The following TMEM109 variants were observed in gnomAD, a reference collection of about 807,000 sequenced individuals.
TMEM109 encodes the protein voltage-gated monoatomic cation channel TMEM109.
Under a neutral mutation model 26.4 loss-of-function variants are expected in TMEM109, and 19 were observed. The ratio of observed to expected loss-of-function variants is 0.72; its 90% confidence interval spans 0.50 to 1.06. The LOEUF (loss-of-function observed/expected upper bound fraction) is 1.06, where lower values mean the gene tolerates loss of function less well. Among genes scored for constraint, TMEM109 ranks in the 50% least tolerant of loss-of-function variants. TMEM109 has a pLI of 0.00. For missense variants in TMEM109, 262 were observed against 303.4 expected, an observed-to-expected ratio of 0.86 and a Z score of 1.01; for synonymous variants, 129 against 142.0, an observed-to-expected ratio of 0.91 and a Z score of 0.65.
chr11:60,922,217 G>C lies in TMEM109; in HGVS notation c.*52G>C, dbSNP rs757187457. The C allele has an allele frequency of 6.4e-6, 10 of 1,551,390 alleles. No homozygotes were observed. The highest frequency in any genetic ancestry group is 8.7e-6 in the Non-Finnish European group (10 of 1,147,634). On this transcript the variant is annotated 3_prime_UTR_variant, in exon 4 of 4. Transcript: ENST00000227525. ...TCATACCAAAGAGCTGAGCTGCTTC[G>C]GGGCCATGCAGCCCTCCTGCCAGCC...
At chr11:60,914,731 C>G (rs1382579319) in intron 1 of TMEM109, among the ~76,000 whole-genome samples, 4 of 152,276 alleles carry the variant, frequency 2.6e-5, no homozygotes, top group African/African-American at 9.6e-5. Flanking sequence ...CACTGACACC[C>G]TGTCTCCGGG....
At position 60,921,945 on chromosome 11, in the gene TMEM109, G is replaced by T. The variant is rs1196262079; in HGVS notation, c.512G>T (p.Gly171Val). 1 of 1,613,974 alleles carries T rather than the reference G, an allele frequency of 6.2e-7. No individual in the cohort carries two copies. The change falls in exon 4 of 4, where the codon GGC becomes GTC. Residue 171 changes from glycine to valine, a missense_variant. Transcript: ENST00000227525. ...WGLKLVIFLA[G>V]FVALMRSVPD... Reference sequence around the variant, plus strand: ...CTGAAGCTTGTCATCTTCCTGGCCGGCTTCGTGGCCCTGATGAGGTCGGTG... The same window carrying T: ...CTGAAGCTTGTCATCTTCCTGGCCGTCTTCGTGGCCCTGATGAGGTCGGTG...
chr11:60,922,066 AC>A lies in TMEM109; in HGVS notation c.634del (p.Leu212SerfsTer47). 1 of 1,613,320 alleles carries A rather than the reference AC, an allele frequency of 6.2e-7. No individual in the cohort carries two copies. Among genetic ancestry groups the A allele is most frequent in the South Asian group, 1.1e-5 (1 of 91,076 alleles). On this transcript the variant is annotated frameshift_variant, in exon 4 of 4. Transcript: ENST00000227525. LOFTEE classifies it high-confidence loss of function. The part of the protein sequence containing the change: ...LTGSRASGAQ[L>X]EAKVRGLERQ... ...CTGGCTCCCGAGCCTCTGGGGCCCA[AC>A]TCGAGGCCAAGGTGCGAGGGCTGGA...
chr11:60,914,218 T>G lies in TMEM109; in HGVS notation c.-59T>G, dbSNP rs554810958. ...GCCCCGAGTTGAGGCGCGGGTTTGGTGGCGCGTTTCAGCGAAGTCGCACGT... is the reference window on the plus strand; with the variant it reads ...GCCCCGAGTTGAGGCGCGGGTTTGGGGGCGCGTTTCAGCGAAGTCGCACGT... On this transcript the variant is annotated 5_prime_UTR_variant, in exon 1 of 4. Transcript: ENST00000227525. 6.6e-6 allele frequency: 1 copy of G among 152,094 alleles called. No individual in the cohort carries two copies. Among genetic ancestry groups the G allele is most frequent in the Non-Finnish European group, 1.5e-5 (1 of 68,022 alleles). 9.4% of individuals were successfully genotyped at this position (152,094 alleles called of 1,614,324 possible).
Position 60,922,295 on chromosome 11 carries a change from G to T in TMEM109, c.*130G>T, listed in dbSNP as rs1409346684. 7.8e-6 allele frequency: 12 copies of T among 1,541,380 alleles called. No individual in the cohort carries two copies. Among genetic ancestry groups the T allele is most frequent in the Middle Eastern group, 3.3e-4 (2 of 5,992 alleles). ...AACCTTCAGAACATTGATCCTTGCCGCAGCCCCACTAGCCAAGAGAAACAG... is the reference window on the plus strand; with the variant it reads ...AACCTTCAGAACATTGATCCTTGCCTCAGCCCCACTAGCCAAGAGAAACAG... On this transcript the variant is annotated 3_prime_UTR_variant, in exon 4 of 4. Coordinates refer to ENST00000227525, the MANE Select transcript of TMEM109 (RefSeq NM_024092.3).
intron 1 of TMEM109, among the ~76,000 whole-genome samples, 175 bp downstream of exon 1, chr11:60,914,443 G>C (rs985348124): frequency 6.6e-6 from 1 of 152,206 alleles, no homozygotes; most frequent in Admixed American, 6.5e-5. Flanking sequence ...ATGCAACCGG[G>C]GGCGTCGTTT....
In TMEM109 at chr11:60,922,337, C is replaced by A. The variant is rs1363232301; in HGVS notation, c.*172C>A. ...GAGAAACAGAGAAAGACCATTCCCC[C>A]TGCCTGTCCTTGCGGCCCTGTCTTC... is the stretch of plus-strand genomic sequence containing the variant. On this transcript the variant is annotated 3_prime_UTR_variant, in exon 4 of 4. Transcript: ENST00000227525. The A allele has an allele frequency of 2.6e-6, 4 of 1,535,996 alleles. No individual in the cohort carries two copies. The highest frequency in any genetic ancestry group is 3.9e-5 in the Admixed American group (2 of 50,978).
At chr11:60,920,017 A>G in intron 2 of TMEM109, 87 bp downstream of exon 2, 1 of 1,131,310 alleles carries the variant, frequency 8.8e-7, no homozygotes, top group South Asian at 1.3e-5. Flanking sequence ...TCTTAGTTCC[A>G]CATCCTCTCT....
intron 1 of TMEM109, among the ~76,000 whole-genome samples, chr11:60,916,694 G>C (rs1017056197): frequency 1.3e-5 from 2 of 152,226 alleles, no homozygotes; most frequent in African/African-American, 2.4e-5. Flanking sequence ...CAGAACATCA[G>C]TCTGCATAAC....
chr11:60,922,131 C>A lies in TMEM109; in HGVS notation c.698C>A (p.Ala233Glu), dbSNP rs771787362. The A allele has an allele frequency of 1.9e-6, 3 of 1,606,464 alleles. No individual in the cohort carries two copies. Among genetic ancestry groups the A allele is most frequent in the African/African-American group, 1.3e-5 (1 of 74,806 alleles). ...GAGCTGCGCTGGCGCCAGAGGCGAG[C>A]GGCCAAGGGGGCCCGCAGTGTGGAG... ...VEELRWRQRR[A>E]AKGARSVEEE Residue 233 changes from alanine to glutamate, a missense_variant, in exon 4 of 4, where the codon GCG (alanine) becomes GAG (glutamate). Coordinates refer to ENST00000227525, the MANE Select transcript of TMEM109 (RefSeq NM_024092.3).
At chr11:60,918,437 G>A (rs1445934647) in intron 1 of TMEM109, 1 of 152,124 alleles carries the variant, frequency 6.6e-6, no homozygotes, top group African/African-American at 2.4e-5. Context: ...AGGAAATCAG[G>A]CCAAAGTCAT....
intron 1 of TMEM109, chr11:60,919,028 G>A (rs921776588): frequency 2.4e-4 from 37 of 152,874 alleles, no homozygotes; most frequent in African/African-American, 7.5e-4. Context: ...CAGAAGCTTG[G>A]GTTCAAATCC....
At chr11:60,919,560 T>C in intron 1 of TMEM109, 126 bp from the exon 2 acceptor site, 1 of 774,224 alleles carries the variant, frequency 1.3e-6, no homozygotes, top group Middle Eastern at 3.4e-4. Flanking sequence ...CTAACAGCAC[T>C]TTCTTTCCAG....
intron 1 of TMEM109, among the ~76,000 whole-genome samples, chr11:60,914,473 C>T (rs1454463073): frequency 6.6e-6 from 1 of 151,876 alleles, no homozygotes; most frequent in Non-Finnish European, 1.5e-5. Flanking sequence ...CCGGGAGGCG[C>T]ACGTTTCCGG....
intron 2 of TMEM109, 141 bp downstream of exon 2, chr11:60,920,071 C>T (rs1856218287): frequency 2.9e-6 from 2 of 693,802 alleles, no homozygotes; most frequent in Admixed American, 2.5e-5. Context: ...CCACACAGCA[C>T]TTGTCTTTGA....
In TMEM109 at chr11:60,922,282, A is replaced by G. The variant is rs1019427989; in HGVS notation, c.*117A>G. The G allele has an allele frequency of 3.2e-6, 5 of 1,543,692 alleles. No homozygotes were observed. The African/African-American group carries it at 5.5e-5, about 17-fold the overall frequency. ...TGCCCTGTCTCTGAACCTTCAGAAC[A>G]TTGATCCTTGCCGCAGCCCCACTAG... On this transcript the variant is annotated 3_prime_UTR_variant, in exon 4 of 4. Coordinates refer to ENST00000227525, the MANE Select transcript of TMEM109 (RefSeq NM_024092.3).
chr11:60,916,413 T>C (rs1254449663), intron 1 of TMEM109, among the ~76,000 whole-genome samples: 2 of 152,204 alleles, frequency 1.3e-5, no homozygotes, highest in Non-Finnish European at 2.9e-5. Context: ...AGGCCAGGCA[T>C]TGCAGAAGGT....
In TMEM109 at chr11:60,922,146, G is replaced by A. The variant is rs61732710; in HGVS notation, c.713G>A (p.Arg238His). ...CAGAGGCGAGCGGCCAAGGGGGCCC[G>A]CAGTGTGGAGGAGGAGTGAGCCGGA... ...WRQRRAAKGARSVEEE is the reference protein window; with the variant it reads ...WRQRRAAKGAHSVEEE The change falls in exon 4 of 4, where the codon CGC becomes CAC. Residue 238 changes from arginine (R) to histidine (H), a missense_variant. Physicochemically the swap from Arg to His is conservative, Grantham distance 29 (BLOSUM62 0). Transcript: ENST00000227525. The A allele has an allele frequency of 4.3e-4, 689 of 1,596,336 alleles. No individual in the cohort carries two copies. Among genetic ancestry groups the A allele is most frequent in the Non-Finnish European group, 5.3e-4 (623 of 1,171,760 alleles).
At position 60,914,211 on chromosome 11, in the gene TMEM109, G is replaced by T. The variant is rs932506490; in HGVS notation, c.-66G>T. The T allele has an allele frequency of 2.0e-5, 3 of 152,222 alleles. No homozygotes were observed. Among genetic ancestry groups the T allele is most frequent in the African/African-American group, 7.2e-5 (3 of 41,460 alleles). 9.4% of individuals were successfully genotyped at this position (152,222 alleles called of 1,614,324 possible). A position where few individuals can be genotyped will look rare whatever the true frequency, so the allele number is the denominator to read the frequency against. ...AACCAGCGCCCCGAGTTGAGGCGCGGGTTTGGTGGCGCGTTTCAGCGAAGT... is the reference window on the plus strand; with the variant it reads ...AACCAGCGCCCCGAGTTGAGGCGCGTGTTTGGTGGCGCGTTTCAGCGAAGT... On this transcript the variant is annotated 5_prime_UTR_variant, in exon 1 of 4. Coordinates refer to ENST00000227525, the MANE Select transcript of TMEM109 (RefSeq NM_024092.3).
Sources: allele counts gnomAD v4.1 joint callset (sites outside exome capture counted in the v4.1 genomes callset), GRCh38; gene constraint gnomAD v4.1.1; transcripts MANE v1.5; gene names NCBI Gene and HGNC (gene_info 2026-07-23, HGNC 2026-07-21).